Variants in RNF144A observed in about 807,000 individuals in gnomAD.
The protein encoded by RNF144A is ring finger protein 144A, also known as E3 ubiquitin-protein ligase RNF144A.
RNF144A carries 11 observed loss-of-function variants against 38.7 expected under a neutral mutation model. The observed-to-expected ratio is 0.28, with a 90% confidence interval of 0.18 to 0.47. RNF144A has a LOEUF of 0.47. Ranked by LOEUF, RNF144A falls within the 20% of genes least tolerant of loss-of-function variation. The probability of loss-of-function intolerance (pLI) is 0.99; values close to 1 mark genes in which losing one functional copy is unlikely to be tolerated. For missense variants in RNF144A, 316 were observed against 377.2 expected (o/e 0.84, Z 1.34); for synonymous variants, 149 against 143.9 (o/e 1.04, Z -0.25).
At chr2:7,053,749 G>T (rs763883146) in intron 6 of RNF144A, among the ~76,000 whole-genome samples, 11 of 152,220 alleles carry the variant, frequency 7.2e-5, no homozygotes, top group Admixed American at 6.5e-5. Flanking sequence ...TAAGAATTAG[G>T]CTGAGCAGAT....
chr2:7,002,326 T>A (rs1447184333), intron 3 of RNF144A, among the ~76,000 whole-genome samples: 1 of 152,240 alleles, frequency 6.6e-6, no homozygotes, highest in East Asian at 1.9e-4. Flanking sequence ...CCCTGCCCCC[T>A]CTGATCCCTT....
At chr2:6,936,874 T>TGTGG (rs1253535410) in intron 1 of RNF144A, among the ~76,000 whole-genome samples, 1 of 151,230 alleles carries the variant, frequency 6.6e-6, no homozygotes, top group Non-Finnish European at 1.5e-5. Flanking sequence ...TGTGTGTGTG[T>TGTGG]GTGTCACTGA....
At chr2:7,058,609 G>T (rs1466981390) in intron 6 of RNF144A, among the ~76,000 whole-genome samples, 1 of 151,996 alleles carries the variant, frequency 6.6e-6, no homozygotes, top group Non-Finnish European at 1.5e-5. Flanking sequence ...ATTAAACATA[G>T]CTCTAATAAT....
chr2:7,009,156 A>G (rs1205860507), intron 3 of RNF144A, among the ~76,000 whole-genome samples: 1 of 152,214 alleles, frequency 6.6e-6, no homozygotes, highest in Non-Finnish European at 1.5e-5. Context: ...GAAGACTCTG[A>G]TGATGGAAAT....
intron 2 of RNF144A, among the ~76,000 whole-genome samples, chr2:6,960,788 G>C (rs1340147906): frequency 6.6e-6 from 1 of 152,148 alleles, no homozygotes; most frequent in Non-Finnish European, 1.5e-5. Flanking sequence ...CCGCAGACAG[G>C]CAGGTCTGTG....
intron 2 of RNF144A, 160 bp from the exon 3 acceptor site, chr2:6,996,756 A>G (rs1669770232): frequency 1.4e-6 from 1 of 732,496 alleles, no homozygotes. Context: ...CCATCTCAAA[A>G]AAAACCAAAA....
intron 8 of RNF144A, 40 bp downstream of exon 8, chr2:7,030,255 G>A: frequency 8.2e-7 from 1 of 1,221,970 alleles, no homozygotes; most frequent in Middle Eastern, 1.9e-4. Flanking sequence ...CTCAGAGAGA[G>A]ACTGTGTGTG....
intron 2 of RNF144A, among the ~76,000 whole-genome samples, chr2:6,977,215 T>C (rs1349502949): frequency 6.6e-6 from 1 of 152,252 alleles, no homozygotes; most frequent in African/African-American, 2.4e-5. Context: ...GCCCTGTCGT[T>C]CTCCACATGA....
At chr2:6,936,385 G>T (rs987267136) in intron 1 of RNF144A, among the ~76,000 whole-genome samples, 2 of 152,086 alleles carry the variant, frequency 1.3e-5, no homozygotes, top group Non-Finnish European at 2.9e-5. Context: ...ACACATACAT[G>T]CATCTATAGA....
At chr2:6,999,081 A>T (rs388038) in intron 3 of RNF144A, among the ~76,000 whole-genome samples, 3 of 152,174 alleles carry the variant, frequency 2.0e-5, no homozygotes, top group Admixed American at 6.5e-5. Context: ...AAGCCACTCA[A>T]ATTGAGACCA....
Position 7,041,442 on chromosome 2 carries a change from A to C in RNF144A, c.*1682A>C. 1 of 985,908 alleles carries C rather than the reference A, an allele frequency of 1.0e-6. No homozygotes were observed. Among genetic ancestry groups the C allele is most frequent in the Non-Finnish European group, 1.2e-6 (1 of 829,932 alleles). 61.1% of individuals were successfully genotyped at this position (985,908 alleles called of 1,614,324 possible). On this transcript the variant is annotated 3_prime_UTR_variant, in exon 9 of 9. Transcript: ENST00000320892. ...TAGAAAATCCCTGTGTGTCAAAATT[A>C]CATTCAAAAAGCTCTCCTTGTAATT...
chr2:6,941,499 A>G lies in RNF144A; in HGVS notation c.-12+352A>G, dbSNP rs994015489. On this transcript the variant is annotated intron_variant, in intron 2 of 8. Coordinates refer to ENST00000320892, the MANE Select transcript of RNF144A (RefSeq NM_014746.6). This position sits in a 1 kb window ranked among gnomAD's most constrained non-coding sequence, Gnocchi z 6.5. ...TGTGCCAGGCACAGCTCTAACTCAG[A>G]ACTCAGTGAGGCAGCACCAGTGCCT... Among the ~76,000 whole-genome samples the G allele has an allele frequency of 1.3e-5, 2 of 152,204 alleles. No homozygotes were observed. Among genetic ancestry groups the G allele is most frequent in the African/African-American group, 4.8e-5 (2 of 41,456 alleles).
intron 5 of RNF144A, among the ~76,000 whole-genome samples, chr2:7,018,215 G>A (rs1443087934): frequency 6.6e-6 from 1 of 152,222 alleles, no homozygotes; most frequent in Non-Finnish European, 1.5e-5. Context: ...AGCAGGCAGC[G>A]CTGCCCTTCT....
intron 2 of RNF144A, among the ~76,000 whole-genome samples, chr2:6,975,083 A>G (rs1190860824): frequency 5.9e-5 from 9 of 152,224 alleles, no homozygotes; most frequent in Non-Finnish European, 1.3e-4. Context: ...TGCTGCTAAT[A>G]AAGACATACC....
chr2:6,986,067 C>T (rs1668943131), intron 2 of RNF144A, among the ~76,000 whole-genome samples: 1 of 152,148 alleles, frequency 6.6e-6, no homozygotes, highest in African/African-American at 2.4e-5. Flanking sequence ...CACAGGTTTT[C>T]ACGTGGGCAG....
intron 2 of RNF144A, among the ~76,000 whole-genome samples, chr2:6,979,981 C>G (rs1373030284): frequency 6.6e-6 from 1 of 152,186 alleles, no homozygotes; most frequent in Non-Finnish European, 1.5e-5. Context: ...GCACCTTCTT[C>G]ACAAGGCGGC....
At chr2:7,006,181 T>C (rs2103406282) in intron 3 of RNF144A, among the ~76,000 whole-genome samples, 1 of 151,982 alleles carries the variant, frequency 6.6e-6, no homozygotes, top group East Asian at 1.9e-4. Context: ...GGGTCTGGAG[T>C]TGTCGGAGTT....
chr2:7,009,114 T>C (rs309312), intron 3 of RNF144A, among the ~76,000 whole-genome samples: 85,551 of 152,072 alleles, frequency 0.56, 24,874 homozygotes, highest in Non-Finnish European at 0.64. Flanking sequence ...TCCACATGGG[T>C]GACAGGAGAC....
chr2:6,989,989 A>G (rs1181032372), intron 2 of RNF144A, among the ~76,000 whole-genome samples: 1 of 152,228 alleles, frequency 6.6e-6, no homozygotes, highest in Non-Finnish European at 1.5e-5. Context: ...ATTAGCTATT[A>G]ACATCCCATA....
Sources: gnomAD v4.1 joint callset for allele counts (sites outside exome capture counted in the v4.1 genomes callset) on GRCh38, gnomAD v4.1.1 for gene constraint, Gnocchi (gnomAD v3.1) non-coding constraint, MANE v1.5 for transcripts, NCBI Gene and HGNC (gene_info 2026-07-23, HGNC 2026-07-21) for gene names.